Variants in SEL1L2 observed in about 807,000 individuals in gnomAD.
SEL1L2 encodes protein sel-1 homolog 2.
A neutral mutation model predicts 98.8 loss-of-function variants in SEL1L2; 89 were observed. The observed-to-expected ratio is 0.90, with a 90% CI of 0.76 to 1.07. The LOEUF (loss-of-function observed/expected upper bound fraction) is 1.07, where lower values mean the gene tolerates loss of function less well. Among genes scored for constraint, SEL1L2 ranks in the 50% least tolerant of loss-of-function variants. The pLI is 0.00. For synonymous variants in SEL1L2, 262 were observed against 278.5 expected, an observed-to-expected ratio of 0.94 and a Z score of 0.59; for missense variants, 788 against 812.0, an observed-to-expected ratio of 0.97 and a Z score of 0.36.
chr20:13,865,332 A>G lies in SEL1L2; in HGVS notation c.1570+17T>C. On this transcript the variant is annotated intron_variant, in intron 16 of 19. Transcript: ENST00000284951. ...ATGTATGATTGGGGGATTGCAGAGAATTTTAACTCATCTTACTAGATTCCA... is the reference window on the plus strand; with the variant it reads ...ATGTATGATTGGGGGATTGCAGAGAGTTTTAACTCATCTTACTAGATTCCA... 6.2e-7 allele frequency: 1 copy of G among 1,613,292 alleles called. No individual in the cohort carries two copies. Among genetic ancestry groups the G allele is most frequent in the Non-Finnish European group, 8.5e-7 (1 of 1,179,390 alleles).
intron 19 of SEL1L2, 76 bp from the exon 20 acceptor site, chr20:13,849,680 C>T: frequency 6.5e-7 from 1 of 1,539,564 alleles, no homozygotes; most frequent in Non-Finnish European, 8.8e-7. Flanking sequence ...TCTTCCCAAA[C>T]CCACCACCAC....
chr20:13,921,572 G>C (rs2048669144), intron 3 of SEL1L2, among the ~76,000 whole-genome samples: 1 of 152,038 alleles, frequency 6.6e-6, no homozygotes, highest in African/African-American at 2.4e-5. Context: ...AAAATAAAAA[G>C]GGATATGACT....
chr20:13,934,972 T>C (rs1204036907), intron 2 of SEL1L2, among the ~76,000 whole-genome samples: 1 of 152,146 alleles, frequency 6.6e-6, no homozygotes, highest in Non-Finnish European at 1.5e-5. Context: ...CTCTCTAGTA[T>C]AGTGGAATTA....
chr20:13,918,942 T>C (rs1476913446), intron 4 of SEL1L2, 79 bp downstream of exon 4: 1 of 941,640 alleles, frequency 1.1e-6, no homozygotes, highest in East Asian at 2.4e-5. Flanking sequence ...TGAGTTTTAA[T>C]GATAAACTAC....
At chr20:13,958,189 T>C (rs1321490967) in intron 1 of SEL1L2, among the ~76,000 whole-genome samples, 1 of 152,164 alleles carries the variant, frequency 6.6e-6, no homozygotes, top group Non-Finnish European at 1.5e-5. Flanking sequence ...GGTATGATAA[T>C]TAAATGAGAT....
intron 10 of SEL1L2, among the ~76,000 whole-genome samples, chr20:13,883,446 G>A (rs757046425): frequency 3.9e-5 from 6 of 152,238 alleles, no homozygotes; most frequent in Non-Finnish European, 5.9e-5. Flanking sequence ...TTTGATTTCT[G>A]AAGGCCTGAG....
At position 13,887,799 on chromosome 20, in the gene SEL1L2, G is replaced by A. The variant is rs2047025787; in HGVS notation, c.715C>T (p.Leu239=). The A allele has an allele frequency of 1.1e-5, 17 of 1,612,624 alleles. No homozygotes were observed. The East Asian group carries it at 3.8e-4, about 36-fold the overall frequency. ...INVLQNCEVA[L]SYYKKVADYI... is the part of the protein sequence containing the mutation. ...TCTGCCACTTTCTTGTAATAACTTA[G>A]GGCAACTTCACAATTCTGTAGAACA... is the stretch of plus-strand genomic sequence containing the variant. Residue 239 remains leucine, a synonymous_variant, in exon 8 of 20, where the codon CTA becomes TTA. Transcript: ENST00000284951.
rs1232624215 is a variant in SEL1L2 at position 13,929,441 on chromosome 20, CT to C, written c.283+2161del. On this transcript the variant is annotated intron_variant, in intron 3 of 19. Transcript: ENST00000284951. ...TTTAGTTCATGCCATCTAATCTCCC[CT>C]GTCTGGAAAGCCAGGTGTGTTGGAT... is the stretch of plus-strand genomic sequence containing the variant. 4.0e-5 allele frequency among the ~76,000 whole-genome samples: 6 copies of C among 149,390 alleles called. No individual in the cohort carries two copies. The East Asian group carries it at 9.8e-4, about 24-fold the overall frequency.
chr20:13,926,605 A>G (rs1217929074), intron 3 of SEL1L2, among the ~76,000 whole-genome samples: 3 of 152,204 alleles, frequency 2.0e-5, no homozygotes, highest in Non-Finnish European at 4.4e-5. Flanking sequence ...AGCACTCTGT[A>G]GCTGAAAACA....
At position 13,849,496 on chromosome 20, in the gene SEL1L2, G is replaced by T; in HGVS notation, c.2056C>A (p.His686Asn). 6.2e-7 allele frequency: 1 copy of T among 1,613,998 alleles called. No homozygotes were observed. The highest frequency in any genetic ancestry group is 8.5e-7 in the Non-Finnish European group (1 of 1,179,926). The change falls in exon 20 of 20, where the codon CAC becomes AAC. Residue 686 changes from histidine (H) to asparagine (N), a missense_variant. His to Asn is a moderately conservative substitution (Grantham distance 68). Transcript: ENST00000284951. ...VPGLILLLRN[H>N]HG ...CTGTGATCCGCATCCTACCCATGGT[G>T]ATTTCTAAGCAACAAAATCAGCCCA... is the stretch of plus-strand genomic sequence containing the variant.
intron 10 of SEL1L2, among the ~76,000 whole-genome samples, chr20:13,881,054 G>A (rs1235655246): frequency 2.6e-5 from 4 of 152,132 alleles, no homozygotes; most frequent in South Asian, 2.1e-4. Context: ...TCACTCTGTC[G>A]CCAGGCTGGA....
intron 14 of SEL1L2, among the ~76,000 whole-genome samples, chr20:13,868,336 A>G (rs1001073233): frequency 4.6e-5 from 7 of 152,062 alleles, no homozygotes; most frequent in Non-Finnish European, 8.8e-5. Context: ...AATACCACCA[A>G]TGTTTTTCAG....
chr20:13,985,582 T>C (rs976752922), intron 1 of SEL1L2, among the ~76,000 whole-genome samples: 2 of 152,220 alleles, frequency 1.3e-5, no homozygotes, highest in Non-Finnish European at 2.9e-5. Context: ...TTCAATATTT[T>C]GGTTTTCCTC....
chr20:13,957,632 T>C (rs982404885), intron 1 of SEL1L2, among the ~76,000 whole-genome samples: 7 of 152,144 alleles, frequency 4.6e-5, no homozygotes, highest in African/African-American at 1.4e-4. Context: ...AACCCAACAC[T>C]TTGGAAGGAC....
intron 2 of SEL1L2, among the ~76,000 whole-genome samples, chr20:13,951,195 T>A (rs951248229): frequency 7.5e-6 from 1 of 134,202 alleles, no homozygotes; most frequent in Non-Finnish European, 1.5e-5. Flanking sequence ...GAGAATGGCG[T>A]GAATCTGGGA....
chr20:13,886,514 A>T (rs766145169), intron 8 of SEL1L2, 72 bp from the exon 9 acceptor site: 25 of 1,225,428 alleles, frequency 2.0e-5, no homozygotes, highest in Non-Finnish European at 2.8e-5. Flanking sequence ...ATTTAGAGAA[A>T]ACACCGTTAG....
intron 1 of SEL1L2, among the ~76,000 whole-genome samples, chr20:13,963,741 GA>G (rs1382239950): frequency 2.0e-5 from 3 of 151,908 alleles, no homozygotes; most frequent in Non-Finnish European, 1.5e-5. Flanking sequence ...AAATAAAAAT[GA>G]GAATAACAAT....
intron 18 of SEL1L2, among the ~76,000 whole-genome samples, chr20:13,852,255 T>C (rs539775035): frequency 2.2e-4 from 33 of 152,292 alleles, no homozygotes; most frequent in African/African-American, 7.0e-4. Flanking sequence ...AGTCATTTAG[T>C]ATTTTATAGT....
At chr20:13,923,784 G>T (rs1251314244) in intron 3 of SEL1L2, among the ~76,000 whole-genome samples, 3 of 151,944 alleles carry the variant, frequency 2.0e-5, no homozygotes, top group African/African-American at 7.3e-5. Context: ...AACAAAAAAA[G>T]ATATTATATA....
Sources: gnomAD v4.1 joint callset for allele counts (sites outside exome capture counted in the v4.1 genomes callset) on GRCh38, gnomAD v4.1.1 for gene constraint, MANE v1.5 for transcripts, NCBI Gene and HGNC (gene_info 2026-07-23, HGNC 2026-07-21) for gene names.